ARL15: variants seen among roughly 807,000 people sequenced by gnomAD.
ARL15 encodes ADP-ribosylation factor-like protein 15.
In ARL15, 19 loss-of-function variants were observed where a neutral mutation model predicts 25.2. That is an observed-to-expected ratio of 0.75 (90% CI 0.53 to 1.10). ARL15 has a LOEUF of 1.10. Among genes scored for constraint, ARL15 ranks in the 50% least tolerant of loss-of-function variants. ARL15 has a pLI of 0.00. For missense variants in ARL15, 220 were observed against 246.0 expected (o/e 0.89, Z 0.71); for synonymous variants, 94 against 86.8 (o/e 1.08, Z -0.46).
chr5:53,997,135 C>G (rs1326675823), intron 4 of ARL15, among the ~76,000 whole-genome samples: 1 of 152,180 alleles, frequency 6.6e-6, no homozygotes, highest in African/African-American at 2.4e-5. Context: ...TGGAAAACAA[C>G]TCAACAAAGT....
At chr5:54,106,437 C>T (rs1752592377) in intron 4 of ARL15, among the ~76,000 whole-genome samples, 2 of 152,016 alleles carry the variant, frequency 1.3e-5, no homozygotes, top group Non-Finnish European at 2.9e-5. Context: ...TACAGTTATC[C>T]CTTGGTATCT....
chr5:54,054,942 C>T (rs1399503892), intron 4 of ARL15, among the ~76,000 whole-genome samples: 1 of 152,122 alleles, frequency 6.6e-6, no homozygotes, highest in Non-Finnish European at 1.5e-5. Flanking sequence ...CTAAACATTC[C>T]ACACTCTTGG....
chr5:53,958,583 A>G (rs574956090), intron 4 of ARL15, among the ~76,000 whole-genome samples: 58 of 152,224 alleles, frequency 3.8e-4, no homozygotes, highest in Non-Finnish European at 7.8e-4. Flanking sequence ...TACTTGAAGT[A>G]TAAATGGATC....
At chr5:54,214,314 T>C (rs1218649302) in intron 1 of ARL15, among the ~76,000 whole-genome samples, 1 of 152,216 alleles carries the variant, frequency 6.6e-6, no homozygotes, top group Non-Finnish European at 1.5e-5. Context: ...TGCCCTGTAC[T>C]AGAACAGGCA....
intron 4 of ARL15, among the ~76,000 whole-genome samples, chr5:54,045,241 T>C (rs1750469300): frequency 6.6e-6 from 1 of 152,032 alleles, no homozygotes; most frequent in African/African-American, 2.4e-5. Context: ...ACACACACAA[T>C]TGGGCCACCA....
At chr5:54,143,942 T>C (rs1753837678) in intron 3 of ARL15, among the ~76,000 whole-genome samples, 1 of 151,998 alleles carries the variant, frequency 6.6e-6, no homozygotes, top group Non-Finnish European at 1.5e-5. Flanking sequence ...TTCAATTTTT[T>C]TCTTCTTTAA....
intron 1 of ARL15, among the ~76,000 whole-genome samples, chr5:54,244,775 C>T (rs926648062): frequency 2.3e-4 from 34 of 145,646 alleles, no homozygotes; most frequent in African/African-American, 3.6e-4. Context: ...CCACACATTA[C>T]GTAAACAAAG....
intron 1 of ARL15, among the ~76,000 whole-genome samples, chr5:54,190,316 C>T (rs972115858): frequency 1.3e-5 from 2 of 151,838 alleles, no homozygotes; most frequent in African/African-American, 4.8e-5. Context: ...TTGCTTGAAC[C>T]CAGGAGGTGG....
chr5:54,135,928 G>A (rs1753588767), intron 3 of ARL15, among the ~76,000 whole-genome samples: 1 of 152,122 alleles, frequency 6.6e-6, no homozygotes, highest in Admixed American at 6.5e-5. Flanking sequence ...TTAGACCACT[G>A]CCCACTGCAG....
intron 1 of ARL15, among the ~76,000 whole-genome samples, chr5:54,201,024 A>C (rs1159206418): frequency 6.6e-6 from 1 of 152,026 alleles, no homozygotes; most frequent in African/African-American, 2.4e-5. Flanking sequence ...TCTCCAATTA[A>C]ATCCCTCAAA....
At chr5:54,093,144 G>C (rs527916771) in intron 4 of ARL15, among the ~76,000 whole-genome samples, 16 of 152,332 alleles carry the variant, frequency 1.1e-4, no homozygotes, top group African/African-American at 3.1e-4. Context: ...TGTTGAGAAG[G>C]ATGTGTAATT....
intron 4 of ARL15, among the ~76,000 whole-genome samples, chr5:54,079,967 TCACACACACACACACACACACA>T (rs58908566): frequency 1.4e-4 from 17 of 124,304 alleles, no homozygotes; most frequent in African/African-American, 3.5e-4. Flanking sequence ...TGAGACTCCG[TCACACACACACACACACACACA>T]CACACACACA....
In ARL15 at chr5:54,049,135, G is replaced by A. The variant is rs559749186; in HGVS notation, c.462+64067C>T. The stretch of plus-strand genomic sequence containing the variant: ...GTAAAACAAATATCTAGTGTGCTCA[G>A]AATTAGTACTTTGATTTCAAAAGTA... On this transcript the variant is annotated intron_variant, in intron 4 of 4. Transcript: ENST00000504924. 2.0e-5 allele frequency among the ~76,000 whole-genome samples: 3 copies of A among 152,140 alleles called. No homozygotes were observed. In the South Asian group the frequency reaches 6.2e-4, roughly 32 times the overall value.
At chr5:54,208,272 A>G (rs1755928089) in intron 1 of ARL15, among the ~76,000 whole-genome samples, 1 of 152,208 alleles carries the variant, frequency 6.6e-6, no homozygotes, top group African/African-American at 2.4e-5. Context: ...TAAATAGACA[A>G]GAACTGCCAG....
chr5:53,913,353 A>C (rs959610561), intron 4 of ARL15, among the ~76,000 whole-genome samples: 1 of 152,182 alleles, frequency 6.6e-6, no homozygotes, highest in African/African-American at 2.4e-5. Context: ...CACAGATCCT[A>C]TCCCCTTAAC....
intron 4 of ARL15, among the ~76,000 whole-genome samples, chr5:53,931,189 A>G (rs1746185988): frequency 6.6e-6 from 1 of 152,122 alleles, no homozygotes. Context: ...TTATGAAAAA[A>G]CGCAGGGAAA....
At chr5:54,233,526 A>T (rs1339382763) in intron 1 of ARL15, among the ~76,000 whole-genome samples, 1 of 152,264 alleles carries the variant, frequency 6.6e-6, no homozygotes, top group Non-Finnish European at 1.5e-5. Flanking sequence ...GAAGATTTAC[A>T]TAACTAGATG....
At chr5:54,045,739 G>A (rs1055610875) in intron 4 of ARL15, among the ~76,000 whole-genome samples, 3 of 152,162 alleles carry the variant, frequency 2.0e-5, no homozygotes, top group African/African-American at 7.2e-5. Context: ...CAAGGTTGTA[G>A]GTTCAGAAAT....
chr5:54,002,121 CA>C (rs1748867673), intron 4 of ARL15, among the ~76,000 whole-genome samples: 2 of 151,556 alleles, frequency 1.3e-5, no homozygotes, highest in South Asian at 4.2e-4. Context: ...TCAGGTTCAA[CA>C]GTTTTCTTTT....
Sources: allele counts gnomAD v4.1 joint callset (sites outside exome capture counted in the v4.1 genomes callset), GRCh38; gene constraint gnomAD v4.1.1; transcripts MANE v1.5; gene names NCBI Gene and HGNC (gene_info 2026-07-23, HGNC 2026-07-21).